RANBP17: variants seen among roughly 807,000 people sequenced by gnomAD.
RANBP17 encodes the protein RAN binding protein 17.
A neutral mutation model predicts 141.2 loss-of-function variants in RANBP17; 158 were observed. The ratio of observed to expected loss-of-function variants is 1.12; its 90% CI spans 0.98 to 1.28. RANBP17 has a LOEUF of 1.28. Ranked by LOEUF, RANBP17 falls within the 50% of genes most tolerant of loss-of-function variation. RANBP17 has a pLI of 0.00. For missense variants in RANBP17, 1,438 were observed against 1,290.7 expected (o/e 1.11, Z -1.75); for synonymous variants, 430 against 450.0 (o/e 0.96, Z 0.56).
chr5:171,015,728 A>C (rs1378745534), intron 14 of RANBP17, among the ~76,000 whole-genome samples: 2 of 152,090 alleles, frequency 1.3e-5, no homozygotes, highest in Non-Finnish European at 2.9e-5. Flanking sequence ...TTTCTTTCAG[A>C]TCTTGCTTTT....
chr5:171,207,800 C>T (rs915702313), intron 20 of RANBP17: 6 of 151,696 alleles, frequency 4.0e-5, no homozygotes, highest in Admixed American at 6.6e-5. Flanking sequence ...TTCCTTTGGG[C>T]GAGGGATGAA....
At position 170,917,703 on chromosome 5, in the gene RANBP17, A is replaced by G. The variant is rs185773576; in HGVS notation, c.955-1010A>G. On this transcript the variant is annotated intron_variant, in intron 9 of 27. Transcript: ENST00000523189. Reference sequence around the variant, plus strand: ...TGCTGATAAAGAGGATTTTACCAATATACTTTAAAATGTTTAGTTGTTTAA... The same window carrying G: ...TGCTGATAAAGAGGATTTTACCAATGTACTTTAAAATGTTTAGTTGTTTAA... Among the ~76,000 whole-genome samples the G allele has an allele frequency of 2.1e-3, 324 of 152,212 alleles. 1 individual carries two copies. Among genetic ancestry groups the G allele is most frequent in the African/African-American group, 6.5e-3 (271 of 41,512 alleles).
intron 13 of RANBP17, among the ~76,000 whole-genome samples, chr5:170,956,686 G>T (rs558123618): frequency 6.6e-6 from 1 of 151,742 alleles, no homozygotes; most frequent in Non-Finnish European, 1.5e-5. Flanking sequence ...TTGACCTCGG[G>T]TGATCTGCCT....
chr5:171,099,308 TCTC>T (rs1215141310), intron 14 of RANBP17, among the ~76,000 whole-genome samples: 1 of 152,190 alleles, frequency 6.6e-6, no homozygotes, highest in Non-Finnish European at 1.5e-5. Flanking sequence ...GGTTTGTAGT[TCTC>T]CTTGAAGAGG....
chr5:171,161,614 A>G (rs1366418089), intron 14 of RANBP17: 6 of 175,788 alleles, frequency 3.4e-5, no homozygotes. Context: ...TATGCATTAT[A>G]TAATTCTACA....
At chr5:171,061,450 G>A (rs1393749575) in intron 14 of RANBP17, among the ~76,000 whole-genome samples, 1 of 152,044 alleles carries the variant, frequency 6.6e-6, no homozygotes, top group East Asian at 1.9e-4. Flanking sequence ...AGGTTGTTCA[G>A]TTTCCATGTA....
At chr5:171,273,053 T>G (rs1767226257) in intron 25 of RANBP17, among the ~76,000 whole-genome samples, 1 of 152,224 alleles carries the variant, frequency 6.6e-6, no homozygotes, top group Admixed American at 6.5e-5. Flanking sequence ...GACTTTTCTT[T>G]AATGCCTCCG....
At chr5:171,256,212 G>C (rs1173620119) in intron 24 of RANBP17, among the ~76,000 whole-genome samples, 1 of 152,196 alleles carries the variant, frequency 6.6e-6, no homozygotes, top group Non-Finnish European at 1.5e-5. Flanking sequence ...TGGCTCTTCA[G>C]TGAATTTAAC....
Position 170,911,070 on chromosome 5 carries a change from C to T in RANBP17, c.696C>T (p.Gly232=), listed in dbSNP as rs1004502635. The T allele has an allele frequency of 4.3e-6, 7 of 1,611,846 alleles. No homozygotes were observed. Among genetic ancestry groups the T allele is most frequent in the Non-Finnish European group, 5.9e-6 (7 of 1,178,662 alleles). ...ACTGCCTTAACTTTGACTTCATTGG[C>T]AGTTCAGCAGATGAATCTGCAGATG... ...VLNCLNFDFI[G]SSADESADDL... Residue 232 remains glycine, a synonymous_variant, in exon 7 of 28, where the codon GGC becomes GGT. Coordinates refer to ENST00000523189, the MANE Select transcript of RANBP17 (RefSeq NM_022897.5).
chr5:170,897,949 G>T (rs939033788), intron 5 of RANBP17, among the ~76,000 whole-genome samples: 1 of 152,226 alleles, frequency 6.6e-6, no homozygotes. Flanking sequence ...TGGGTCAAAT[G>T]GTATTTCTGG....
At chr5:170,937,375 G>A (rs899492448) in intron 12 of RANBP17, among the ~76,000 whole-genome samples, 5 of 152,106 alleles carry the variant, frequency 3.3e-5, no homozygotes, top group African/African-American at 1.2e-4. Flanking sequence ...CTTTGCATCA[G>A]CTTTTTTGGA....
At chr5:170,952,757 A>C (rs896215804) in intron 12 of RANBP17, among the ~76,000 whole-genome samples, 1 of 152,078 alleles carries the variant, frequency 6.6e-6, no homozygotes, top group African/African-American at 2.4e-5. Flanking sequence ...GAATAGCATA[A>C]AATTTGTTTT....
intron 3 of RANBP17, among the ~76,000 whole-genome samples, chr5:170,883,810 A>T (rs1341927968): frequency 6.6e-6 from 1 of 152,104 alleles, no homozygotes; most frequent in Non-Finnish European, 1.5e-5. Flanking sequence ...GCGCTGAATA[A>T]TTCTTTGTTG....
intron 2 of RANBP17, among the ~76,000 whole-genome samples, chr5:170,878,923 A>G (rs1288960206): frequency 6.6e-6 from 1 of 152,192 alleles, no homozygotes; most frequent in Non-Finnish European, 1.5e-5. Context: ...AAGAACATCT[A>G]TAGAAAGAGA....
At chr5:171,037,442 A>G (rs1473381969) in intron 14 of RANBP17, among the ~76,000 whole-genome samples, 1 of 152,096 alleles carries the variant, frequency 6.6e-6, no homozygotes, top group Non-Finnish European at 1.5e-5. Flanking sequence ...CTATAGTTTC[A>G]TTAGGTTCCA....
chr5:171,114,420 A>C lies in RANBP17; in HGVS notation c.1711-55710A>C, dbSNP rs373988293. Among the ~76,000 whole-genome samples the C allele has an allele frequency of 2.0e-4, 30 of 152,230 alleles. No individual in the cohort carries two copies. The South Asian group carries it at 5.8e-3, about 29-fold the overall frequency. On this transcript the variant is annotated intron_variant, in intron 14 of 27. Transcript: ENST00000523189. ...TACCTGCTCCAGGAGCTTACAGTACATACCAGAATATCATGATTCTGGTGT... is the reference window on the plus strand; with the variant it reads ...TACCTGCTCCAGGAGCTTACAGTACCTACCAGAATATCATGATTCTGGTGT...
chr5:171,138,779 A>C (rs1483731827), intron 14 of RANBP17, among the ~76,000 whole-genome samples: 2 of 152,184 alleles, frequency 1.3e-5, no homozygotes, highest in Non-Finnish European at 2.9e-5. Context: ...TGTATATCTA[A>C]AATTATGCCA....
chr5:171,270,926 G>A (rs1767059922), intron 25 of RANBP17, among the ~76,000 whole-genome samples: 1 of 151,828 alleles, frequency 6.6e-6, no homozygotes, highest in Non-Finnish European at 1.5e-5. Context: ...TTGCATAGAG[G>A]AATTAGAGCA....
At chr5:170,902,050 G>A (rs1770689439) in intron 5 of RANBP17, among the ~76,000 whole-genome samples, 1 of 152,116 alleles carries the variant, frequency 6.6e-6, no homozygotes, top group African/African-American at 2.4e-5. Context: ...TGTATTTCCT[G>A]AATTTGAACG....
Sources: gnomAD v4.1 joint callset for allele counts (sites outside exome capture counted in the v4.1 genomes callset) on GRCh38, gnomAD v4.1.1 for gene constraint, MANE v1.5 for transcripts, NCBI Gene and HGNC (gene_info 2026-07-23, HGNC 2026-07-21) for gene names.